PARD3B: variants seen among roughly 807,000 people sequenced by gnomAD.
The protein encoded by PARD3B is partitioning defective 3 homolog B.
Under a neutral mutation model 130.2 loss-of-function variants are expected in PARD3B, and 103 were observed. That is an observed-to-expected ratio of 0.79 (90% confidence interval 0.67 to 0.93). PARD3B has a LOEUF of 0.93. Ranked by LOEUF, PARD3B falls within the 40% of genes least tolerant of loss-of-function variation. The probability of loss-of-function intolerance (pLI) is 0.00; values close to 1 mark genes in which losing one functional copy is unlikely to be tolerated. For synonymous variants in PARD3B, 583 were observed against 553.2 expected (o/e 1.05, Z -0.76); for missense variants, 1,609 against 1,499.2 (o/e 1.07, Z -1.21).
chr2:204,750,443 C>T (rs747799273), intron 2 of PARD3B, among the ~76,000 whole-genome samples: 11 of 152,046 alleles, frequency 7.2e-5, no homozygotes, highest in African/African-American at 9.7e-5. Context: ...ACATTAGCTG[C>T]GCTTTGGCAA....
intron 1 of PARD3B, among the ~76,000 whole-genome samples, chr2:204,564,092 G>T (rs1359362594): frequency 6.6e-6 from 1 of 152,184 alleles, no homozygotes; most frequent in African/African-American, 2.4e-5. Flanking sequence ...GCTTTATTAA[G>T]CATTGATTGA....
chr2:204,748,030 A>G (rs2040313634), intron 2 of PARD3B, among the ~76,000 whole-genome samples: 1 of 152,202 alleles, frequency 6.6e-6, no homozygotes, highest in African/African-American at 2.4e-5. Flanking sequence ...TGGGAAAAAC[A>G]TCATCATTAG....
In PARD3B at chr2:205,592,611, T is replaced by C. The variant is rs1384541280; in HGVS notation, c.3261-22845T>C. Among the ~76,000 whole-genome samples the C allele has an allele frequency of 2.0e-5, 3 of 152,348 alleles. No homozygotes were observed. The highest frequency in any genetic ancestry group is 2.1e-4 in the South Asian group (1 of 4,828). Reference sequence around the variant, plus strand: ...AGAGGCAGAATGTTTCCCATACAACTATAATGCCTGCGTTATATTTAAGGT... The same window carrying C: ...AGAGGCAGAATGTTTCCCATACAACCATAATGCCTGCGTTATATTTAAGGT... On this transcript the variant is annotated intron_variant, in intron 22 of 22. Transcript: ENST00000406610. The surrounding 1 kb of genome is among the most constrained non-coding windows in gnomAD (Gnocchi z 4.5).
chr2:204,680,054 A>G (rs983318152), intron 1 of PARD3B, among the ~76,000 whole-genome samples: 12 of 152,100 alleles, frequency 7.9e-5, no homozygotes, highest in Admixed American at 6.5e-4. Context: ...GGATATTGGT[A>G]TCAAATTTAT....
At chr2:205,206,302 G>C (rs1441263111) in intron 15 of PARD3B, among the ~76,000 whole-genome samples, 10 of 149,634 alleles carry the variant, frequency 6.7e-5, no homozygotes, top group South Asian at 4.2e-4. Flanking sequence ...TGCCCTGCTG[G>C]TGCACTGCAC....
chr2:204,908,360 T>C (rs1230281596), intron 2 of PARD3B, among the ~76,000 whole-genome samples: 1 of 152,214 alleles, frequency 6.6e-6, no homozygotes, highest in Non-Finnish European at 1.5e-5. Context: ...TCCAAATTCA[T>C]GCAAAAAGGA....
At chr2:205,582,912 C>T (rs961548268) in intron 22 of PARD3B, among the ~76,000 whole-genome samples, 5 of 152,042 alleles carry the variant, frequency 3.3e-5, no homozygotes, top group African/African-American at 7.2e-5. Context: ...AAAAGGGCAC[C>T]GAATTCAGGA....
At position 205,230,113 on chromosome 2, in the gene PARD3B, C is replaced by A. The variant is rs1346510136; in HGVS notation, c.2141-15665C>A. Among the ~76,000 whole-genome samples, 2 of 151,940 alleles carry A rather than the reference C, an allele frequency of 1.3e-5. No homozygotes were observed. The highest frequency in any genetic ancestry group is 4.2e-4 in the South Asian group (2 of 4,818). ...AGCCAAAGTGTGGAATTGGTGATCCCAAGAACCCGCTTTGTGCTCTATACC... is the reference window on the plus strand; with the variant it reads ...AGCCAAAGTGTGGAATTGGTGATCCAAAGAACCCGCTTTGTGCTCTATACC... On this transcript the variant is annotated intron_variant, in intron 15 of 22. Coordinates refer to ENST00000406610, the MANE Select transcript of PARD3B (RefSeq NM_001302769.2). The surrounding 1 kb of genome is among the most constrained non-coding windows in gnomAD (Gnocchi z 4.1).
At chr2:205,450,313 C>T (rs893811884) in intron 20 of PARD3B, among the ~76,000 whole-genome samples, 2 of 151,824 alleles carry the variant, frequency 1.3e-5, no homozygotes, top group African/African-American at 2.4e-5. Context: ...TGTTGGAGTC[C>T]ATCTGTTCCA....
chr2:205,245,853 C>G, intron 16 of PARD3B, 31 bp downstream of exon 16: 2 of 1,540,738 alleles, frequency 1.3e-6, no homozygotes, highest in South Asian at 2.2e-5. Flanking sequence ...GACTATATTC[C>G]TCTTCCTGGA....
At chr2:205,109,944 G>A (rs185285368) in intron 5 of PARD3B, among the ~76,000 whole-genome samples, 6 of 152,144 alleles carry the variant, frequency 3.9e-5, no homozygotes, top group East Asian at 1.9e-4. Context: ...GTGAGCCAAC[G>A]CGCCTGGCCA....
At chr2:204,793,550 C>G (rs570233031) in intron 2 of PARD3B, among the ~76,000 whole-genome samples, 2 of 152,180 alleles carry the variant, frequency 1.3e-5, no homozygotes, top group South Asian at 4.1e-4. Context: ...CACTGTCACC[C>G]AGGCTGGAGT....
At chr2:205,254,854 C>T (rs1456588273) in intron 16 of PARD3B, among the ~76,000 whole-genome samples, 1 of 151,310 alleles carries the variant, frequency 6.6e-6, no homozygotes, top group African/African-American at 2.4e-5. Context: ...TTAGTAGAGA[C>T]GGGGTTTCAC....
intron 1 of PARD3B, among the ~76,000 whole-genome samples, chr2:204,584,368 A>G (rs766528908): frequency 1.3e-5 from 2 of 152,210 alleles, no homozygotes; most frequent in Non-Finnish European, 2.9e-5. Context: ...TATTGCTTAT[A>G]TAAGTAAAGA....
At chr2:204,948,011 A>G (rs968202475) in intron 2 of PARD3B, among the ~76,000 whole-genome samples, 1 of 152,174 alleles carries the variant, frequency 6.6e-6, no homozygotes, top group Admixed American at 6.5e-5. Flanking sequence ...CCAAGTCTGT[A>G]TCTTGCTATG....
At chr2:204,822,294 A>G (rs922296377) in intron 2 of PARD3B, among the ~76,000 whole-genome samples, 14 of 152,348 alleles carry the variant, frequency 9.2e-5, no homozygotes, top group African/African-American at 3.1e-4. Flanking sequence ...AATTGCTGCA[A>G]TCTTATGATG....
chr2:205,298,762 A>C (rs1359749128), intron 16 of PARD3B, among the ~76,000 whole-genome samples: 1 of 152,206 alleles, frequency 6.6e-6, no homozygotes, highest in East Asian at 1.9e-4. Context: ...TATTTTAGAA[A>C]TGAGGACAAT....
chr2:204,558,894 T>G (rs1208250392), intron 1 of PARD3B, among the ~76,000 whole-genome samples: 1 of 152,254 alleles, frequency 6.6e-6, no homozygotes, highest in East Asian at 1.9e-4. Flanking sequence ...AACACACATC[T>G]ATAACCATCT....
chr2:204,907,602 C>G lies in PARD3B; in HGVS notation c.223-57550C>G, dbSNP rs554772141. On this transcript the variant is annotated intron_variant, in intron 2 of 22. Coordinates refer to ENST00000406610, the MANE Select transcript of PARD3B (RefSeq NM_001302769.2). This position sits in a 1 kb window ranked among gnomAD's most constrained non-coding sequence, Gnocchi z 5.7. ...AGTTTCATGGAATTCGGAGTTTGAT[C>G]AGTGTTTGGTCATAAAATTGTGTCT... 6.6e-6 allele frequency among the ~76,000 whole-genome samples: 1 copy of G among 152,178 alleles called. No individual in the cohort carries two copies. The highest frequency in any genetic ancestry group is 1.9e-4 in the East Asian group (1 of 5,176).
Sources: allele counts gnomAD v4.1 joint callset (sites outside exome capture counted in the v4.1 genomes callset), GRCh38; gene constraint gnomAD v4.1.1; non-coding constraint Gnocchi (gnomAD v3.1); transcripts MANE v1.5; gene names NCBI Gene and HGNC (gene_info 2026-07-23, HGNC 2026-07-21).